EPHA6: variants seen among roughly 807,000 people sequenced by gnomAD.
The protein encoded by EPHA6 is ephrin type-A receptor 6.
A neutral mutation model predicts 112.0 loss-of-function variants in EPHA6; 50 were observed. The ratio of observed to expected loss-of-function variants is 0.45; its 90% CI spans 0.36 to 0.56. The LOEUF is 0.56. EPHA6 is among the 20% of genes least tolerant of loss of function. EPHA6 has a pLI of 0.00. For synonymous variants in EPHA6, 529 were observed against 490.7 expected (o/e 1.08, Z -1.03); for missense variants, 1,280 against 1,417.4 (o/e 0.90, Z 1.56).
At chr3:97,533,896 A>T (rs1232345010) in intron 11 of EPHA6, among the ~76,000 whole-genome samples, 2 of 152,088 alleles carry the variant, frequency 1.3e-5, no homozygotes, top group Non-Finnish European at 2.9e-5. Flanking sequence ...CTCCACTACA[A>T]CTGCTATTAG....
intron 5 of EPHA6, among the ~76,000 whole-genome samples, chr3:97,384,976 A>G (rs2085975634): frequency 6.6e-6 from 1 of 152,150 alleles, no homozygotes; most frequent in Non-Finnish European, 1.5e-5. Context: ...CCTGATTTGC[A>G]GTGTTTACCA....
At chr3:96,906,111 A>T (rs2038920510) in intron 2 of EPHA6, among the ~76,000 whole-genome samples, 3 of 152,068 alleles carry the variant, frequency 2.0e-5, no homozygotes, top group Admixed American at 2.0e-4. Context: ...ATTACCAAAT[A>T]TGTTCTTTTT....
intron 15 of EPHA6, among the ~76,000 whole-genome samples, chr3:97,721,952 T>C (rs2034550505): frequency 6.6e-6 from 1 of 152,198 alleles, no homozygotes; most frequent in Non-Finnish European, 1.5e-5. Context: ...GTCACCATAA[T>C]TCCTCTTCTG....
At chr3:97,568,531 A>G (rs2093296761) in intron 11 of EPHA6, among the ~76,000 whole-genome samples, 1 of 152,184 alleles carries the variant, frequency 6.6e-6, no homozygotes, top group Non-Finnish European at 1.5e-5. Flanking sequence ...CTATTAAACC[A>G]TCTACAGCTC....
chr3:97,009,738 T>G (rs1437951932), intron 3 of EPHA6, among the ~76,000 whole-genome samples: 1 of 152,164 alleles, frequency 6.6e-6, no homozygotes, highest in Admixed American at 6.5e-5. Flanking sequence ...GTTTCATGAG[T>G]GGGATCTTTC....
At chr3:97,245,551 G>C (rs1559824428) in intron 5 of EPHA6, among the ~76,000 whole-genome samples, 1 of 151,966 alleles carries the variant, frequency 6.6e-6, no homozygotes, top group African/African-American at 2.4e-5. Flanking sequence ...TGATTTGAAT[G>C]TGTTGTGATA....
chr3:97,600,999 T>C (rs1485702541), intron 12 of EPHA6, among the ~76,000 whole-genome samples: 1 of 152,118 alleles, frequency 6.6e-6, no homozygotes, highest in East Asian at 1.9e-4. Flanking sequence ...TGGCCTTAAC[T>C]AAGCCTTCTT....
At chr3:97,662,186 C>T (rs556191667) in intron 14 of EPHA6, among the ~76,000 whole-genome samples, 85 of 152,228 alleles carry the variant, frequency 5.6e-4, no homozygotes, top group Non-Finnish European at 9.6e-4. Context: ...AATACTAAGC[C>T]TCCTTTGCTT....
chr3:96,986,681 C>T (rs1481742449), intron 2 of EPHA6, among the ~76,000 whole-genome samples: 2 of 152,076 alleles, frequency 1.3e-5, no homozygotes, highest in Non-Finnish European at 2.9e-5. Flanking sequence ...TCTCTCTTCC[C>T]TCCAAAGTAA....
chr3:97,420,063 A>G (rs1176509724), intron 6 of EPHA6, among the ~76,000 whole-genome samples: 2 of 152,172 alleles, frequency 1.3e-5, no homozygotes, highest in African/African-American at 4.8e-5. Flanking sequence ...TGTTAACTTT[A>G]CATGCATTTT....
intron 5 of EPHA6, among the ~76,000 whole-genome samples, chr3:97,394,875 CA>C (rs2086612121): frequency 6.6e-6 from 1 of 151,504 alleles, no homozygotes; most frequent in African/African-American, 2.4e-5. Flanking sequence ...GGAGATTTTT[CA>C]AAAAATTAAA....
chr3:97,315,354 G>C (rs190768378), intron 5 of EPHA6, among the ~76,000 whole-genome samples: 1 of 151,508 alleles, frequency 6.6e-6, no homozygotes, highest in Non-Finnish European at 1.5e-5. Flanking sequence ...TAATTGTTTC[G>C]CATAAAGTCG....
chr3:97,595,019 G>A (rs1313271024), intron 12 of EPHA6, among the ~76,000 whole-genome samples: 3 of 152,284 alleles, frequency 2.0e-5, no homozygotes, highest in South Asian at 2.1e-4. Flanking sequence ...AAAGAGATAC[G>A]TGACTATGTC....
intron 14 of EPHA6, among the ~76,000 whole-genome samples, chr3:97,715,878 G>C (rs1576340767): frequency 6.6e-6 from 1 of 152,024 alleles, no homozygotes; most frequent in East Asian, 1.9e-4. Context: ...AAACACAAAA[G>C]TTTTACTAAT....
At chr3:97,562,750 C>T (rs1229718974) in intron 11 of EPHA6, among the ~76,000 whole-genome samples, 2 of 152,064 alleles carry the variant, frequency 1.3e-5, no homozygotes, top group African/African-American at 4.8e-5. Flanking sequence ...AGAAATCTGT[C>T]ATGAAAGGAA....
chr3:97,657,609 T>A (rs753108787), intron 14 of EPHA6, among the ~76,000 whole-genome samples: 1 of 151,734 alleles, frequency 6.6e-6, no homozygotes, highest in Non-Finnish European at 1.5e-5. Flanking sequence ...TTCCACATCT[T>A]GAACAGAATT....
In EPHA6 at chr3:97,496,811, ACAC is replaced by A. The variant is rs1393123061; in HGVS notation, c.2200+12753_2200+12755del. 6.4e-3 allele frequency among the ~76,000 whole-genome samples: 962 copies of A among 151,468 alleles called. 9 individuals carry two copies. Among genetic ancestry groups the A allele is most frequent in the African/African-American group, 0.022 (882 of 40,836 alleles). On this transcript the variant is annotated intron_variant, in intron 10 of 17. Transcript: ENST00000389672. ...ATTACCTAAGTGCATTGATGCACACACACAAAAAAAAAACCAACTGCCTCAGCA... is the reference window on the plus strand; with the variant it reads ...ATTACCTAAGTGCATTGATGCACACAAAAAAAAAAACCAACTGCCTCAGCA...
chr3:97,532,587 T>G (rs563631165), intron 11 of EPHA6, 44 bp downstream of exon 11: 1 of 1,506,548 alleles, frequency 6.6e-7, no homozygotes, highest in South Asian at 1.3e-5. Context: ...CACACCTATC[T>G]CAGTTTTTTT....
rs1478272261 is a variant in EPHA6, at chr3:97,735,981, A to G, written c.2991A>G (p.Ala997=). The change falls in exon 16 of 18, where the codon GCA becomes GCG. Residue 997 remains alanine, a synonymous_variant. Transcript: ENST00000389672. ...TTCCAGCTCCCATGGGCTGTCCAGC[A>G]TCTCTACACCAGCTGATGCTCCACT... ...YRLPAPMGCP[A]SLHQLMLHCW... The G allele has an allele frequency of 6.2e-7, 1 of 1,612,676 alleles. No homozygotes were observed. Among genetic ancestry groups the G allele is most frequent in the Non-Finnish European group, 8.5e-7 (1 of 1,179,144 alleles).
Sources: allele counts gnomAD v4.1 joint callset (sites outside exome capture counted in the v4.1 genomes callset), GRCh38; gene constraint gnomAD v4.1.1; transcripts MANE v1.5; gene names NCBI Gene and HGNC (gene_info 2026-07-23, HGNC 2026-07-21).